NUP210: variants seen among roughly 807,000 people sequenced by gnomAD.
NUP210 encodes nucleoporin 210, also known as nuclear pore membrane glycoprotein 210.
Under a neutral mutation model 196.0 loss-of-function variants are expected in NUP210, and 151 were observed. That is an observed-to-expected ratio of 0.77 (90% CI 0.67 to 0.88). NUP210 has a LOEUF of 0.88. NUP210 is among the 40% of genes least tolerant of loss of function. The probability of loss-of-function intolerance (pLI) is 0.00; values close to 1 mark genes in which losing one functional copy is unlikely to be tolerated. For missense variants in NUP210, 2,314 were observed against 2,493.7 expected (o/e 0.93, Z 1.53); for synonymous variants, 1,070 against 1,052.7 (o/e 1.02, Z -0.32).
In NUP210 at chr3:13,373,778, G is replaced by A. The variant is rs113753878; in HGVS notation, c.1527C>T (p.Ile509=). ...CATGTGCCTGGATCACACTGAACCCGATGTCACTGCCTGTGGTCATCACGC... is the reference window on the plus strand; with the variant it reads ...CATGTGCCTGGATCACACTGAACCCAATGTCACTGCCTGTGGTCATCACGC... The part of the protein sequence containing the change: ...VKGVMTTGSD[I]GFSVIQAHDV... Residue 509 remains isoleucine (I), a synonymous_variant, in exon 12 of 40, where the codon ATC becomes ATT. Transcript: ENST00000254508. 4 of 1,614,172 alleles carry A rather than the reference G, an allele frequency of 2.5e-6. No homozygotes were observed. Among genetic ancestry groups the A allele is most frequent in the South Asian group, 2.2e-5 (2 of 91,078 alleles).
chr3:13,329,151 C>T (rs766392645), intron 30 of NUP210, among the ~76,000 whole-genome samples: 4 of 152,192 alleles, frequency 2.6e-5, no homozygotes, highest in Admixed American at 6.5e-5. Flanking sequence ...CTTCCCAACA[C>T]AGCAGACTGG....
rs568650362 is a variant in NUP210 at position 13,385,554 on chromosome 3, A to G, written c.817+721T>C. ...AGGCAGAAAGGCCTCAAAGCCTCCA[A>G]TGAGAAACAGCCCTGGAGAAGGGCA... On this transcript the variant is annotated intron_variant, in intron 6 of 39. Coordinates refer to ENST00000254508, the MANE Select transcript of NUP210 (RefSeq NM_024923.4). Among the ~76,000 whole-genome samples, 61 of 152,348 alleles carry G rather than the reference A, an allele frequency of 4.0e-4. No homozygotes were observed. The South Asian group carries it at 0.01, about 25-fold the overall frequency.
intron 28 of NUP210, among the ~76,000 whole-genome samples, chr3:13,334,294 T>A (rs1363206514): frequency 6.6e-6 from 1 of 152,222 alleles, no homozygotes; most frequent in East Asian, 1.9e-4. Flanking sequence ...TTTAATTCCA[T>A]GATAGGCTCC....
Position 13,347,168 on chromosome 3 carries a change from A to C in NUP210, c.2836-3865T>G. On this transcript the variant is annotated intron_variant, in intron 20 of 39. Coordinates refer to ENST00000254508, the MANE Select transcript of NUP210 (RefSeq NM_024923.4). This position sits in a 1 kb window ranked among gnomAD's most constrained non-coding sequence, Gnocchi z 4.7. ...GAAGCAGCCGCAGCTCATAGGACCC[A>C]GGAGATGGAGAGACACAGCTGCGGC... The C allele has an allele frequency of 1.0e-6, 1 of 985,444 alleles. No homozygotes were observed. The highest frequency in any genetic ancestry group is 1.2e-6 in the Non-Finnish European group (1 of 829,934). The allele number at this position is 985,444 out of a possible 1,614,324, so 61.0% of individuals were successfully genotyped here.
intron 4 of NUP210, among the ~76,000 whole-genome samples, chr3:13,389,290 G>A (rs932968672): frequency 3.9e-5 from 6 of 152,222 alleles, no homozygotes; most frequent in Non-Finnish European, 5.9e-5. Context: ...CTCAAGGGGT[G>A]GGGAATGGGG....
rs1362155270 is a variant in NUP210 at position 13,386,212 on chromosome 3, T to A, written c.817+63A>T. 1.9e-6 allele frequency: 3 copies of A among 1,570,536 alleles called. No homozygotes were observed. In the South Asian group the frequency reaches 3.5e-5, roughly 18 times the overall value. The stretch of plus-strand genomic sequence containing the variant: ...AAGATGGTAAATTTTGTTACATGTA[T>A]GTAACCACAATAAAAAAAGGAGGAA... On this transcript the variant is annotated intron_variant, in intron 6 of 39. Transcript: ENST00000254508.
chr3:13,401,337 TG>T (rs1248995070), intron 1 of NUP210, among the ~76,000 whole-genome samples: 54 of 147,998 alleles, frequency 3.6e-4, no homozygotes, highest in Middle Eastern at 3.6e-3. Context: ...GGATGCCAAG[TG>T]TCTTCCCTGG....
intron 14 of NUP210, 121 bp downstream of exon 14, chr3:13,365,825 T>C: frequency 1.8e-6 from 2 of 1,089,080 alleles, no homozygotes; most frequent in Non-Finnish European, 1.4e-6. Flanking sequence ...GAGAGGAAGC[T>C]GTGCCAAAAG....
intron 36 of NUP210, among the ~76,000 whole-genome samples, chr3:13,320,674 G>A (rs1696486625): frequency 7.3e-6 from 1 of 136,058 alleles, no homozygotes; most frequent in African/African-American, 2.8e-5. Flanking sequence ...AAAGTGGGCA[G>A]ATCACAAGGT....
intron 14 of NUP210, 28 bp from the exon 15 acceptor site, chr3:13,360,519 G>A: frequency 6.4e-7 from 1 of 1,565,780 alleles, no homozygotes; most frequent in Non-Finnish European, 8.7e-7. Context: ...AGAAGACTTG[G>A]CATTCTTCTA....
intron 16 of NUP210, among the ~76,000 whole-genome samples, chr3:13,356,401 T>C (rs1698173423): frequency 6.6e-6 from 1 of 152,138 alleles, no homozygotes; most frequent in Admixed American, 6.5e-5. Flanking sequence ...TCCCAGCACT[T>C]TGGGAGGCCG....
intron 31 of NUP210, among the ~76,000 whole-genome samples, chr3:13,327,901 A>G (rs1696835911): frequency 6.6e-6 from 1 of 152,224 alleles, no homozygotes; most frequent in Admixed American, 6.5e-5. Context: ...TGGCATAAGC[A>G]TTACATGAGG....
At chr3:13,402,981 C>T (rs935096495) in intron 1 of NUP210, among the ~76,000 whole-genome samples, 9 of 152,304 alleles carry the variant, frequency 5.9e-5, no homozygotes, top group Admixed American at 1.3e-4. Context: ...AGATGGATAA[C>T]AGCCCACACC....
chr3:13,366,642 C>T (rs1005845640), intron 13 of NUP210, among the ~76,000 whole-genome samples: 3 of 151,556 alleles, frequency 2.0e-5, no homozygotes, highest in African/African-American at 4.8e-5. Context: ...CTCAGCCTCC[C>T]GAGTAGCTGG....
chr3:13,316,611 T>A lies in NUP210; in HGVS notation c.*1070A>T, dbSNP rs983188132. 1.3e-5 allele frequency: 2 copies of A among 152,234 alleles called. No individual in the cohort carries two copies. Among genetic ancestry groups the A allele is most frequent in the Admixed American group, 1.3e-4 (2 of 15,284 alleles). The allele number at this position is 152,234 out of a possible 1,614,324, so 9.4% of individuals were successfully genotyped here. On this transcript the variant is annotated 3_prime_UTR_variant, in exon 40 of 40. Coordinates refer to ENST00000254508, the MANE Select transcript of NUP210 (RefSeq NM_024923.4). ...CAGGCCCTGGGGAGTCCCTTCTGGATGGGCAGGCCCTGGGCTGGCGGCCGC... is the reference window on the plus strand; with the variant it reads ...CAGGCCCTGGGGAGTCCCTTCTGGAAGGGCAGGCCCTGGGCTGGCGGCCGC...
intron 13 of NUP210, among the ~76,000 whole-genome samples, chr3:13,368,108 C>T (rs1397471627): frequency 6.6e-6 from 1 of 151,984 alleles, no homozygotes; most frequent in East Asian, 1.9e-4. Context: ...CAGGGTCTTG[C>T]TCTGTCGCCC....
At chr3:13,341,001 A>G (rs571532048) in intron 23 of NUP210, 2 of 152,392 alleles carry the variant, frequency 1.3e-5, no homozygotes, top group Admixed American at 1.3e-4. Flanking sequence ...ACCAGAAGAA[A>G]GGTGCACCTC....
chr3:13,335,055 T>C (rs975764518), intron 28 of NUP210, among the ~76,000 whole-genome samples: 1 of 152,182 alleles, frequency 6.6e-6, no homozygotes, highest in Non-Finnish European at 1.5e-5. Context: ...CTGAAAAACG[T>C]GCAAGGGCGC....
rs868675038 is a variant in NUP210 at position 13,412,072 on chromosome 3, T to A, written c.167+7988A>T. ...ACTGCACCCGGCCTAGTTTTTTTAA[T>A]AGACAGGCTCTCACTCTGTTGCCCA... is the stretch of plus-strand genomic sequence containing the variant. On this transcript the variant is annotated intron_variant, in intron 1 of 39. Coordinates refer to ENST00000254508, the MANE Select transcript of NUP210 (RefSeq NM_024923.4). Among the ~76,000 whole-genome samples, 38 of 151,770 alleles carry A rather than the reference T, an allele frequency of 2.5e-4. No individual in the cohort carries two copies. In the Middle Eastern group the frequency reaches 0.014, roughly 54 times the overall value.
Sources: gnomAD v4.1 joint callset for allele counts (sites outside exome capture counted in the v4.1 genomes callset) on GRCh38, gnomAD v4.1.1 for gene constraint, Gnocchi (gnomAD v3.1) non-coding constraint, MANE v1.5 for transcripts, NCBI Gene and HGNC (gene_info 2026-07-23, HGNC 2026-07-21) for gene names.